The following NLGN1 variants were observed in gnomAD, a reference collection of about 807,000 sequenced individuals.
The protein encoded by NLGN1 is neuroligin-1.
NLGN1 carries 12 observed loss-of-function variants against 65.5 expected under a neutral mutation model. The ratio of observed to expected loss-of-function variants is 0.18; its 90% CI spans 0.12 to 0.30. The LOEUF is 0.30. NLGN1 is among the 10% of genes least tolerant of loss of function. The pLI, the probability that NLGN1 is intolerant of heterozygous loss-of-function variation, is 1.00. For synonymous variants in NLGN1, 350 were observed against 359.5 expected, an observed-to-expected ratio of 0.97 and a Z score of 0.30; for missense variants, 750 against 1,007.1, an observed-to-expected ratio of 0.74 and a Z score of 3.46.
intron 2 of NLGN1, among the ~76,000 whole-genome samples, chr3:173,476,758 G>A (rs1388070012): frequency 2.6e-5 from 4 of 152,100 alleles, no homozygotes; most frequent in Non-Finnish European, 5.9e-5. Context: ...CTTTACTAGA[G>A]ATAGAGAGAA....
At chr3:173,746,599 A>G (rs1348664231) in intron 3 of NLGN1, among the ~76,000 whole-genome samples, 1 of 152,068 alleles carries the variant, frequency 6.6e-6, no homozygotes, top group Non-Finnish European at 1.5e-5. Context: ...TCTACACTAG[A>G]TTAAGTCTGA....
chr3:173,558,030 T>C (rs1291030121), intron 2 of NLGN1, among the ~76,000 whole-genome samples: 2 of 152,098 alleles, frequency 1.3e-5, no homozygotes, highest in Non-Finnish European at 2.9e-5. Flanking sequence ...TAACAAATAT[T>C]CTTTTTTCCC....
At chr3:173,838,678 A>G (rs1488557) in intron 4 of NLGN1, among the ~76,000 whole-genome samples, 1 of 152,064 alleles carries the variant, frequency 6.6e-6, no homozygotes, top group South Asian at 2.1e-4. Context: ...CTGCTTTTGT[A>G]TGAAACTTGT....
intron 4 of NLGN1, among the ~76,000 whole-genome samples, chr3:173,952,032 A>G (rs1748316181): frequency 6.6e-6 from 1 of 152,222 alleles, no homozygotes; most frequent in South Asian, 2.1e-4. Context: ...CTGATATTGT[A>G]GCCAGCATTA....
At chr3:174,146,227 G>A (rs544652221) in intron 4 of NLGN1, among the ~76,000 whole-genome samples, 7 of 148,820 alleles carry the variant, frequency 4.7e-5, no homozygotes, top group Non-Finnish European at 1.0e-4. Context: ...AATGTTACTC[G>A]GATATACAAG....
intron 3 of NLGN1, among the ~76,000 whole-genome samples, chr3:173,764,207 G>C (rs149337312): frequency 1.5e-4 from 23 of 152,140 alleles, no homozygotes; most frequent in African/African-American, 5.5e-4. Flanking sequence ...CAGTAGAGAA[G>C]GTTTTTTAAA....
intron 4 of NLGN1, among the ~76,000 whole-genome samples, chr3:173,929,926 A>T (rs1467313326): frequency 6.6e-6 from 1 of 151,732 alleles, no homozygotes; most frequent in East Asian, 1.9e-4. Context: ...CTGGTCTCGA[A>T]CTCCCAACCT....
chr3:173,833,498 GT>G (rs1360078852), intron 4 of NLGN1, among the ~76,000 whole-genome samples: 1 of 151,788 alleles, frequency 6.6e-6, no homozygotes, highest in Non-Finnish European at 1.5e-5. Context: ...AGTAGTCATA[GT>G]TTATCCTCTA....
chr3:173,552,965 A>G (rs1449903915), intron 2 of NLGN1, among the ~76,000 whole-genome samples: 1 of 152,184 alleles, frequency 6.6e-6, no homozygotes, highest in Non-Finnish European at 1.5e-5. Context: ...GAGACATAAA[A>G]TCTTGCTAAA....
chr3:173,962,848 A>G (rs970811281), intron 4 of NLGN1, among the ~76,000 whole-genome samples: 3 of 152,278 alleles, frequency 2.0e-5, no homozygotes, highest in Non-Finnish European at 4.4e-5. Flanking sequence ...GCAATTCTAA[A>G]TTAAGCTGGG....
Position 174,064,868 on chromosome 3 carries a change from G to T in NLGN1, c.647-210447G>T, listed in dbSNP as rs113846696. On this transcript the variant is annotated intron_variant, in intron 4 of 6. Transcript: ENST00000457714. ...GATATACATTATATTAATACACATA[G>T]TAAGTACTATATATTAAGTACTATA... Among the ~76,000 whole-genome samples, 940 of 148,594 alleles carry T rather than the reference G, an allele frequency of 6.3e-3. 13 individuals carry two copies. The highest frequency in any genetic ancestry group is 0.022 in the African/African-American group (908 of 40,486).
intron 3 of NLGN1, among the ~76,000 whole-genome samples, chr3:173,727,677 T>C (rs1278143756): frequency 6.6e-6 from 1 of 152,090 alleles, no homozygotes; most frequent in Non-Finnish European, 1.5e-5. Flanking sequence ...CACAAGTATA[T>C]ATATATACAA....
At chr3:173,738,752 A>G (rs1017676118) in intron 3 of NLGN1, among the ~76,000 whole-genome samples, 4 of 152,164 alleles carry the variant, frequency 2.6e-5, no homozygotes, top group African/African-American at 9.6e-5. Context: ...GAATTTTAGG[A>G]TCAGATTGTC....
At chr3:174,043,657 C>T (rs575496869) in intron 4 of NLGN1, among the ~76,000 whole-genome samples, 62 of 152,358 alleles carry the variant, frequency 4.1e-4, no homozygotes, top group African/African-American at 1.4e-3. Context: ...CAGCTATGCC[C>T]CTGTGGCTTT....
intron 4 of NLGN1, among the ~76,000 whole-genome samples, chr3:173,863,799 G>A (rs1729606231): frequency 6.6e-6 from 1 of 152,204 alleles, no homozygotes; most frequent in African/African-American, 2.4e-5. Context: ...GAATGATGGT[G>A]ACCATAATAC....
intron 3 of NLGN1, among the ~76,000 whole-genome samples, chr3:173,694,149 C>T (rs1164776633): frequency 6.6e-6 from 1 of 152,104 alleles, no homozygotes; most frequent in East Asian, 1.9e-4. Context: ...TTGCTTGTTG[C>T]TGGTCAAAGT....
At chr3:174,107,015 C>G (rs369005634) in intron 4 of NLGN1, among the ~76,000 whole-genome samples, 2,804 of 64,606 alleles carry the variant, frequency 0.043, 34 homozygotes, top group South Asian at 0.062. Flanking sequence ...CACACACACA[C>G]ACAGAGAGAG....
chr3:174,206,516 C>G (rs1013713032), intron 4 of NLGN1, among the ~76,000 whole-genome samples: 1 of 152,194 alleles, frequency 6.6e-6, no homozygotes, highest in Non-Finnish European at 1.5e-5. Context: ...ACCAAGGCCC[C>G]CAGCCAAGAC....
intron 3 of NLGN1, among the ~76,000 whole-genome samples, chr3:173,775,178 TCTG>T (rs1189588407): frequency 3.9e-5 from 6 of 152,196 alleles, no homozygotes; most frequent in Admixed American, 3.9e-4. Flanking sequence ...ATTTACTAAA[TCTG>T]CACTAAATGT....
Sources: allele counts gnomAD v4.1 joint callset (sites outside exome capture counted in the v4.1 genomes callset), GRCh38; gene constraint gnomAD v4.1.1; transcripts MANE v1.5; gene names NCBI Gene and HGNC (gene_info 2026-07-23, HGNC 2026-07-21).